The following BICD1 variants were observed in gnomAD, a reference collection of about 807,000 sequenced individuals.
BICD1 encodes the protein BICD cargo adaptor 1.
A neutral mutation model predicts 92.5 loss-of-function variants in BICD1; 35 were observed. The ratio of observed to expected loss-of-function variants is 0.38; its 90% confidence interval spans 0.29 to 0.50. The LOEUF (loss-of-function observed/expected upper bound fraction) is 0.50. Ranked by LOEUF, BICD1 falls within the 20% of genes least tolerant of loss-of-function variation. BICD1 has a pLI of 0.93. For missense variants in BICD1, 950 were observed against 1,189.8 expected (o/e 0.80, Z 2.97); for synonymous variants, 429 against 465.1 (o/e 0.92, Z 1.00).
Position 32,346,577 on chromosome 12 carries a change from TATATAC to T in BICD1, c.2764+7599_2764+7604del, listed in dbSNP as rs1315238088. ...ATATATATATATATATATATATATA[TATATAC>T]GTGTATATATATATATATATATATA... On this transcript the variant is annotated intron_variant, in intron 8 of 9. Coordinates refer to ENST00000652176, the MANE Select transcript of BICD1 (RefSeq NM_001714.4). 2.7e-3 allele frequency among the ~76,000 whole-genome samples: 81 copies of T among 29,468 alleles called. 4 individuals are homozygous for T. The highest frequency in any genetic ancestry group is 6.3e-3 in the African/African-American group (26 of 4,104). 19.3% of individuals were successfully genotyped at this position (29,468 alleles called of 152,430 possible).
Position 32,177,711 on chromosome 12 carries a change from A to G in BICD1, c.214-38536A>G, listed in dbSNP as rs537193568. Among the ~76,000 whole-genome samples, 5 of 135,414 alleles carry G rather than the reference A, an allele frequency of 3.7e-5. No individual in the cohort carries two copies. The East Asian group carries it at 1.1e-3, about 30-fold the overall frequency. The allele number at this position is 135,414 out of a possible 152,430, so 88.8% of individuals were successfully genotyped here. A position where few individuals can be genotyped will look rare whatever the true frequency, so the allele number is the denominator to read the frequency against. On this transcript the variant is annotated intron_variant, in intron 1 of 9. Coordinates refer to ENST00000652176, the MANE Select transcript of BICD1 (RefSeq NM_001714.4). Reference sequence around the variant, plus strand: ...TTAAAGTTAAATGATTTAGTAGAGTATAAATATATAAATATATTTATATAT... The same window carrying G: ...TTAAAGTTAAATGATTTAGTAGAGTGTAAATATATAAATATATTTATATAT...
At position 32,313,825 on chromosome 12, in the gene BICD1, G is replaced by A. The variant is rs111789807; in HGVS notation, c.1005+7703G>A. Among the ~76,000 whole-genome samples the A allele has an allele frequency of 0.077, 11,779 of 152,002 alleles. 498 individuals are homozygous for A. Among genetic ancestry groups the A allele is most frequent in the Middle Eastern group, 0.13 (38 of 292 alleles). On this transcript the variant is annotated intron_variant, in intron 4 of 9. Transcript: ENST00000652176. This position sits in a 1 kb window ranked among gnomAD's most constrained non-coding sequence, Gnocchi z 4.2. The stretch of plus-strand genomic sequence containing the variant: ...ACCCCATCTCTACCAAAAATACCCA[G>A]AAAAAATTAGCTGGGCACGGTGGTG...
At chr12:32,234,671 CTT>C (rs112868471) in intron 2 of BICD1, among the ~76,000 whole-genome samples, 34 of 120,728 alleles carry the variant, frequency 2.8e-4, no homozygotes, top group African/African-American at 1.0e-3. Flanking sequence ...TTTTTTCTTT[CTT>C]TTTTTTTTTT....
chr12:32,225,641 T>TTTTTTTTTTTTTTTTTTTG (rs1945664708), intron 2 of BICD1, among the ~76,000 whole-genome samples: 1 of 134,216 alleles, frequency 7.5e-6, no homozygotes, highest in Non-Finnish European at 1.6e-5. Context: ...TTTTTTTTTT[T>TTTTTTTTTTTTTTTTTTTG]AGACGGAGTT....
At chr12:32,366,332 T>TA (rs746302277) in intron 8 of BICD1, among the ~76,000 whole-genome samples, 6 of 152,208 alleles carry the variant, frequency 3.9e-5, no homozygotes, top group Non-Finnish European at 7.3e-5. Context: ...ACATAACATA[T>TA]AAGGAGGCCG....
chr12:32,339,734 A>G, intron 8 of BICD1: 1 of 985,456 alleles, frequency 1.0e-6, no homozygotes, highest in Non-Finnish European at 1.2e-6. Flanking sequence ...GAAGTGGCAA[A>G]CAAGGAGCCC....
intron 1 of BICD1, among the ~76,000 whole-genome samples, chr12:32,117,711 T>TACACACACACACACACACAC (rs747943737): frequency 1.2e-4 from 14 of 117,030 alleles, no homozygotes; most frequent in Non-Finnish European, 1.7e-4. Context: ...CAAATATATA[T>TACACACACACACACACACAC]ACACACACAC....
At chr12:32,225,892 G>A (rs1945674685) in intron 2 of BICD1, among the ~76,000 whole-genome samples, 1 of 152,036 alleles carries the variant, frequency 6.6e-6, no homozygotes, top group Non-Finnish European at 1.5e-5. Context: ...AAAATGCTGA[G>A]ATTTCAGGCG....
At chr12:32,108,688 A>T (rs1455783724) in intron 1 of BICD1, 1 of 697,514 alleles carries the variant, frequency 1.4e-6, no homozygotes, top group Admixed American at 2.0e-5. Context: ...CTTGCCTTCC[A>T]ATTTAGTGTG....
At chr12:32,220,428 G>T (rs1270792123) in intron 2 of BICD1, among the ~76,000 whole-genome samples, 1 of 152,150 alleles carries the variant, frequency 6.6e-6, no homozygotes, top group African/African-American at 2.4e-5. Flanking sequence ...CAAAAAGTGG[G>T]CGAAGGACAT....
At chr12:32,197,530 TA>T (rs1944762038) in intron 1 of BICD1, among the ~76,000 whole-genome samples, 2 of 152,184 alleles carry the variant, frequency 1.3e-5, no homozygotes, top group African/African-American at 2.4e-5. Context: ...TTCTTAGTGA[TA>T]AAGTGGAGGA....
chr12:32,119,654 A>T (rs1428196210), intron 1 of BICD1, among the ~76,000 whole-genome samples: 1 of 152,240 alleles, frequency 6.6e-6, no homozygotes, highest in Admixed American at 6.5e-5. Context: ...GATGGATCAT[A>T]TGAGGCCAGG....
chr12:32,376,519 A>G (rs925296479), intron 9 of BICD1, among the ~76,000 whole-genome samples: 3 of 152,132 alleles, frequency 2.0e-5, no homozygotes, highest in Non-Finnish European at 2.9e-5. Context: ...AGGTTCATTT[A>G]AACTAGAGGC....
Position 32,306,080 on chromosome 12 carries a change from G to C in BICD1, c.963G>C (p.Leu321=), listed in dbSNP as rs1336115605. 6.2e-7 allele frequency: 1 copy of C among 1,608,928 alleles called. No individual in the cohort carries two copies. Among genetic ancestry groups the C allele is most frequent in the Non-Finnish European group, 8.5e-7 (1 of 1,178,588 alleles). Reference sequence around the variant, plus strand: ...CTGTCTCTGACTTATTCAGTGAGCTGAACATTTCAGAAATACAGAAGTTGA... The same window carrying C: ...CTGTCTCTGACTTATTCAGTGAGCTCAACATTTCAGAAATACAGAAGTTGA... ...LNPVSDLFSE[L]NISEIQKLKQ... Residue 321 remains leucine, a synonymous_variant, in exon 4 of 10, where the codon CTG becomes CTC. Transcript: ENST00000652176.
chr12:32,233,677 A>G (rs1945969457), intron 2 of BICD1, among the ~76,000 whole-genome samples: 1 of 152,118 alleles, frequency 6.6e-6, no homozygotes, highest in Admixed American at 6.6e-5. Flanking sequence ...TGGACTAAAA[A>G]TAGCTCAATT....
rs1004437667 is a variant in BICD1, at chr12:32,337,081, T to TA, written c.2253-410dup. Among the ~76,000 whole-genome samples, 2 of 151,654 alleles carry TA rather than the reference T, an allele frequency of 1.3e-5. No homozygotes were observed. Among genetic ancestry groups the TA allele is most frequent in the Non-Finnish European group, 2.9e-5 (2 of 67,914 alleles). Reference sequence around the variant, plus strand: ...CAACATGGTGAAACCCCGTCTCTACTAAAAAAAATACAAAAATTAGCTTGG... The same window carrying TA: ...CAACATGGTGAAACCCCGTCTCTACTAAAAAAAAATACAAAAATTAGCTTGG... On this transcript the variant is annotated intron_variant, in intron 6 of 9. Coordinates refer to ENST00000652176, the MANE Select transcript of BICD1 (RefSeq NM_001714.4). This position sits in a 1 kb window ranked among gnomAD's most constrained non-coding sequence, Gnocchi z 4.7.
At chr12:32,128,476 C>CCTAA (rs375611971) in intron 1 of BICD1, among the ~76,000 whole-genome samples, 15,601 of 152,118 alleles carry the variant, frequency 0.1, 1,059 homozygotes, top group Middle Eastern at 0.2. Context: ...TAAATAACCT[C>CCTAA]ATAATCACAT....
At position 32,328,419 on chromosome 12, in the gene BICD1, C is replaced by T. The variant is rs763175978; in HGVS notation, c.1964C>T (p.Ala655Val). ...RSLQLSRQRAAARELAPMIDK... is the reference protein window; with the variant it reads ...RSLQLSRQRAVARELAPMIDK... Reference sequence around the variant, plus strand: ...TTGCAACTGTCTCGTCAAAGAGCAGCGGCTCGGGAGCTAGCCCCCATGATT... The same window carrying T: ...TTGCAACTGTCTCGTCAAAGAGCAGTGGCTCGGGAGCTAGCCCCCATGATT... Residue 655 changes from alanine to valine, a missense_variant, in exon 5 of 10, where the codon GCG becomes GTG. By Grantham distance (64) the Ala-to-Val change is moderately conservative. This residue lies in a region of BICD1 where 309 missense variants were observed against 499.4 expected (regional missense o/e 0.62). Transcript: ENST00000652176. This position sits in a 1 kb window ranked among gnomAD's most constrained non-coding sequence, Gnocchi z 4.4. 14 of 1,614,072 alleles carry T rather than the reference C, an allele frequency of 8.7e-6. No homozygotes were observed. The highest frequency in any genetic ancestry group is 2.7e-5 in the African/African-American group (2 of 74,926).
chr12:32,116,504 C>CTATATATA (rs1486131484), intron 1 of BICD1, among the ~76,000 whole-genome samples: 425 of 81,884 alleles, frequency 5.2e-3, no homozygotes, highest in East Asian at 0.014. Flanking sequence ...CTCTCTCTCT[C>CTATATATA]TCTCTCTATA....
Sources: gnomAD v4.1 joint callset for allele counts (sites outside exome capture counted in the v4.1 genomes callset) on GRCh38, gnomAD v4.1.1 for gene constraint, gnomAD v4.1.1 regional missense constraint, Gnocchi (gnomAD v3.1) non-coding constraint, MANE v1.5 for transcripts, NCBI Gene and HGNC (gene_info 2026-07-23, HGNC 2026-07-21) for gene names.